SLCO3A1: variants seen among roughly 807,000 people sequenced by gnomAD.
SLCO3A1 encodes solute carrier organic anion transporter family member 3A1, also known as PGE1 transporter.
SLCO3A1 carries 27 observed loss-of-function variants against 63.1 expected under a neutral mutation model. That is an observed-to-expected ratio of 0.43 (90% CI 0.32 to 0.59). SLCO3A1 has a LOEUF of 0.59. Among genes scored for constraint, SLCO3A1 ranks in the 20% least tolerant of loss-of-function variants. SLCO3A1 has a pLI of 0.09. For synonymous variants in SLCO3A1, 473 were observed against 409.9 expected (o/e 1.15, Z -1.86); for missense variants, 773 against 945.8 (o/e 0.82, Z 2.40).
At chr15:91,978,577 T>A (rs908813976) in intron 2 of SLCO3A1, among the ~76,000 whole-genome samples, 6 of 152,272 alleles carry the variant, frequency 3.9e-5, no homozygotes, top group African/African-American at 1.4e-4. Context: ...GTGTTACTTT[T>A]TTCCCCCCTC....
intron 5 of SLCO3A1, among the ~76,000 whole-genome samples, chr15:92,124,819 C>T (rs980898301): frequency 1.1e-4 from 17 of 152,106 alleles, no homozygotes; most frequent in African/African-American, 3.9e-4. Context: ...GTAAACACAT[C>T]GGGCAAGTGT....
At chr15:91,903,704 AG>A (rs1028054513) in intron 1 of SLCO3A1, among the ~76,000 whole-genome samples, 3 of 152,308 alleles carry the variant, frequency 2.0e-5, no homozygotes, top group Admixed American at 6.5e-5. Flanking sequence ...ATCCTGGCTT[AG>A]CCACCACGTG....
At chr15:91,980,314 A>C (rs1486504415) in intron 2 of SLCO3A1, among the ~76,000 whole-genome samples, 1 of 152,134 alleles carries the variant, frequency 6.6e-6, no homozygotes. Flanking sequence ...GTGTAGAGGT[A>C]ACACAGGATA....
intron 2 of SLCO3A1, among the ~76,000 whole-genome samples, chr15:91,999,571 G>A (rs2046229392): frequency 6.6e-6 from 1 of 152,158 alleles, no homozygotes; most frequent in African/African-American, 2.4e-5. Context: ...TTTCAGATTG[G>A]GAAGAATTAA....
chr15:92,024,775 C>G (rs1343933024), intron 2 of SLCO3A1, among the ~76,000 whole-genome samples: 2 of 152,222 alleles, frequency 1.3e-5, no homozygotes, highest in Non-Finnish European at 2.9e-5. Context: ...GAAAACCTCT[C>G]TGAGAAGGTG....
intron 4 of SLCO3A1, among the ~76,000 whole-genome samples, chr15:92,119,267 A>T (rs1455122662): frequency 6.6e-6 from 1 of 152,250 alleles, no homozygotes; most frequent in African/African-American, 2.4e-5. Flanking sequence ...TCCTATTTTA[A>T]AAGCACCAAT....
rs1349211121 is a variant in SLCO3A1, at chr15:91,941,365, AT to A, written c.646+24909del. The A allele has an allele frequency of 5.5e-6, 2 of 366,282 alleles. No individual in the cohort carries two copies. Among genetic ancestry groups the A allele is most frequent in the Non-Finnish European group, 1.1e-5 (2 of 186,544 alleles). The allele number at this position is 366,282 out of a possible 1,614,324, so 22.7% of individuals were successfully genotyped here. ...CTAGGACTGAGCCCAAAGACCTGAG[AT>A]TCCCTGGGAGGCTGTGGGGTCTGCC... On this transcript the variant is annotated intron_variant, in intron 2 of 9. Coordinates refer to ENST00000318445, the MANE Select transcript of SLCO3A1 (RefSeq NM_013272.4). The surrounding 1 kb of genome is among the most constrained non-coding windows in gnomAD (Gnocchi z 4.4).
intron 2 of SLCO3A1, among the ~76,000 whole-genome samples, chr15:91,921,854 C>A (rs768621708): frequency 6.6e-6 from 1 of 152,004 alleles, no homozygotes; most frequent in Admixed American, 6.6e-5. Flanking sequence ...CTCATCCTCC[C>A]GAGTAGCTGA....
At chr15:92,133,192 G>T (rs2048016928) in intron 7 of SLCO3A1, among the ~76,000 whole-genome samples, 1 of 146,106 alleles carries the variant, frequency 6.8e-6, no homozygotes, top group Non-Finnish European at 1.5e-5. Flanking sequence ...TCCAGACATT[G>T]CCACATGTCC....
chr15:92,166,623 A>G (rs1393815937), downstream of SLCO3A1, among the ~76,000 whole-genome samples: 3 of 152,186 alleles, frequency 2.0e-5, no homozygotes, highest in African/African-American at 7.2e-5. Context: ...GTTCCACACA[A>G]GGGCAACCAG....
At position 91,941,884 on chromosome 15, in the gene SLCO3A1, G is replaced by T. The variant is rs377756024; in HGVS notation, c.646+25426G>T. ...GGCATCTGCAGTTCTGAGAGTGAGGGCTGGGGGCTGGTCTTAGGAGGGCAG... is the reference window on the plus strand; with the variant it reads ...GGCATCTGCAGTTCTGAGAGTGAGGTCTGGGGGCTGGTCTTAGGAGGGCAG... On this transcript the variant is annotated intron_variant, in intron 2 of 9. Coordinates refer to ENST00000318445, the MANE Select transcript of SLCO3A1 (RefSeq NM_013272.4). The surrounding 1 kb of genome is among the most constrained non-coding windows in gnomAD (Gnocchi z 4.4). Among the ~76,000 whole-genome samples, 2 of 152,280 alleles carry T rather than the reference G, an allele frequency of 1.3e-5. No homozygotes were observed. Among genetic ancestry groups the T allele is most frequent in the African/African-American group, 4.8e-5 (2 of 41,562 alleles).
intron 7 of SLCO3A1, among the ~76,000 whole-genome samples, chr15:92,146,307 G>GCAGT (rs1053190212): frequency 1.3e-5 from 2 of 152,176 alleles, no homozygotes; most frequent in African/African-American, 4.8e-5. Flanking sequence ...CAAATGAAAT[G>GCAGT]CAGTCACTTT....
chr15:92,046,324 G>T (rs2046862654), intron 2 of SLCO3A1, among the ~76,000 whole-genome samples: 1 of 151,886 alleles, frequency 6.6e-6, no homozygotes, highest in Admixed American at 6.6e-5. Context: ...AGACCAGCCT[G>T]GCCAACATGG....
intron 2 of SLCO3A1, among the ~76,000 whole-genome samples, chr15:92,048,044 G>T (rs1309790421): frequency 6.6e-6 from 1 of 152,046 alleles, no homozygotes; most frequent in Non-Finnish European, 1.5e-5. Flanking sequence ...ACAGCCATTT[G>T]CCTGGAGTCC....
At position 91,857,051 on chromosome 15, in the gene SLCO3A1, TG is replaced by T. The variant is rs1230467834; in HGVS notation, c.180+2964del. On this transcript the variant is annotated intron_variant, in intron 1 of 9. Transcript: ENST00000318445. ...ACTCGTGTGTGTGTGTGTGTGTGTGTGTGTGTGTGTGTGTGTGTGAGAGAGA... is the reference window on the plus strand; with the variant it reads ...ACTCGTGTGTGTGTGTGTGTGTGTGTTGTGTGTGTGTGTGTGTGAGAGAGA... 1.3e-4 allele frequency among the ~76,000 whole-genome samples: 20 copies of T among 150,142 alleles called. No homozygotes were observed. The Admixed American group carries it at 1.4e-3, about 10-fold the overall frequency.
At chr15:92,048,111 G>T (rs891337209) in intron 2 of SLCO3A1, among the ~76,000 whole-genome samples, 2 of 152,058 alleles carry the variant, frequency 1.3e-5, no homozygotes, top group African/African-American at 2.4e-5. Flanking sequence ...CTGCTTCTCT[G>T]CTCTGTCCCT....
chr15:92,163,380 A>G lies in SLCO3A1; in HGVS notation c.*245A>G, dbSNP rs1346733968. 1 of 1,141,878 alleles carries G rather than the reference A, an allele frequency of 8.8e-7. No individual in the cohort carries two copies. The highest frequency in any genetic ancestry group is 1.6e-5 in the African/African-American group (1 of 62,444). 70.7% of individuals were successfully genotyped at this position (1,141,878 alleles called of 1,614,324 possible). ...GAGGCCACTTGCGCGGCTGGGCCACAGAGTCTACTTTGAAGGCACCTCATG... is the reference window on the plus strand; with the variant it reads ...GAGGCCACTTGCGCGGCTGGGCCACGGAGTCTACTTTGAAGGCACCTCATG... On this transcript the variant is annotated 3_prime_UTR_variant, in exon 10 of 10. Coordinates refer to ENST00000318445, the MANE Select transcript of SLCO3A1 (RefSeq NM_013272.4).
intron 1 of SLCO3A1, among the ~76,000 whole-genome samples, chr15:91,899,457 A>G (rs556775357): frequency 3.9e-4 from 59 of 152,046 alleles, no homozygotes; most frequent in African/African-American, 1.4e-3. Flanking sequence ...ACAACATTCT[A>G]TTTACTCTAT....
In SLCO3A1 at chr15:91,859,729, T is replaced by C. The variant is rs939833264; in HGVS notation, c.180+5641T>C. On this transcript the variant is annotated intron_variant, in intron 1 of 9. Coordinates refer to ENST00000318445, the MANE Select transcript of SLCO3A1 (RefSeq NM_013272.4). This position sits in a 1 kb window ranked among gnomAD's most constrained non-coding sequence, Gnocchi z 5.1. ...TGTGAGGATGAACTGAGTCAGTACA[T>C]GTAAAGCACCTTGAACAATATCTGG... 2.0e-5 allele frequency among the ~76,000 whole-genome samples: 3 copies of C among 152,208 alleles called. No individual in the cohort carries two copies. Among genetic ancestry groups the C allele is most frequent in the African/African-American group, 7.2e-5 (3 of 41,460 alleles).
Sources: allele counts gnomAD v4.1 joint callset (sites outside exome capture counted in the v4.1 genomes callset), GRCh38; gene constraint gnomAD v4.1.1; non-coding constraint Gnocchi (gnomAD v3.1); transcripts MANE v1.5; gene names NCBI Gene and HGNC (gene_info 2026-07-23, HGNC 2026-07-21).